The following ARFGAP3 variants were observed in gnomAD, a reference collection of about 807,000 sequenced individuals.
The protein encoded by ARFGAP3 is ARF GTPase activating protein 3.
A neutral mutation model predicts 75.0 loss-of-function variants in ARFGAP3; 72 were observed. That is an observed-to-expected ratio of 0.96 (90% CI 0.79 to 1.17). The LOEUF is 1.17. Among genes scored for constraint, ARFGAP3 ranks in the 50% most tolerant of loss-of-function variants. ARFGAP3 has a pLI of 0.00. For synonymous variants in ARFGAP3, 221 were observed against 217.9 expected, an observed-to-expected ratio of 1.01 and a Z score of -0.13; for missense variants, 620 against 626.6, an observed-to-expected ratio of 0.99 and a Z score of 0.11.
intron 7 of ARFGAP3, among the ~76,000 whole-genome samples, chr22:42,825,685 CA>C (rs538206434): frequency 0.026 from 1,697 of 64,394 alleles, 21 homozygotes; most frequent in African/African-American, 0.08. Flanking sequence ...ACTCTGTCTC[CA>C]AAAAAAAAAA....
At chr22:42,852,694 C>A (rs1023929283) in intron 1 of ARFGAP3, among the ~76,000 whole-genome samples, 1 of 152,100 alleles carries the variant, frequency 6.6e-6, no homozygotes, top group Non-Finnish European at 1.5e-5. Flanking sequence ...AAGGGCCCTG[C>A]ATTTTCATTT....
chr22:42,829,979 A>G (rs940876512), intron 6 of ARFGAP3, among the ~76,000 whole-genome samples: 2 of 152,200 alleles, frequency 1.3e-5, no homozygotes, highest in African/African-American at 4.8e-5. Flanking sequence ...AGGATATGCA[A>G]TGTTCTTATC....
intron 7 of ARFGAP3, 89 bp from the exon 8 acceptor site, chr22:42,823,791 T>A: frequency 7.9e-7 from 1 of 1,273,458 alleles, no homozygotes. Context: ...ATACTGCACT[T>A]TATTATTTAA....
intron 8 of ARFGAP3, among the ~76,000 whole-genome samples, chr22:42,823,279 C>G (rs1925892465): frequency 6.6e-6 from 1 of 152,084 alleles, no homozygotes. Flanking sequence ...AACCCTGCAC[C>G]TGCCTCCAGA....
chr22:42,849,847 C>A (rs1314430956), intron 1 of ARFGAP3, among the ~76,000 whole-genome samples: 1 of 152,112 alleles, frequency 6.6e-6, no homozygotes, highest in Non-Finnish European at 1.5e-5. Context: ...CAGGTGTGAG[C>A]CACCACGTCC....
At chr22:42,850,637 C>G (rs1157950491) in intron 1 of ARFGAP3, among the ~76,000 whole-genome samples, 1 of 149,174 alleles carries the variant, frequency 6.7e-6, no homozygotes, top group East Asian at 2.0e-4. Context: ...TGAAGGTTGT[C>G]CAACCTATCA....
intron 8 of ARFGAP3, 59 bp downstream of exon 8, chr22:42,823,597 G>C (rs913180799): frequency 1.9e-5 from 24 of 1,234,120 alleles, no homozygotes; most frequent in Non-Finnish European, 2.7e-5. Flanking sequence ...TGACGAAGCG[G>C]CTTTTTAGTT....
intron 4 of ARFGAP3, 81 bp from the exon 5 acceptor site, chr22:42,834,406 G>T: frequency 1.3e-6 from 2 of 1,555,384 alleles, no homozygotes; most frequent in South Asian, 1.2e-5. Context: ...ACTTCCCTTA[G>T]AGACCTGTTT....
In ARFGAP3 at chr22:42,835,417, T is replaced by C. The variant is rs752927577; in HGVS notation, c.338A>G (p.Tyr113Cys). 82 of 1,614,048 alleles carry C rather than the reference T, an allele frequency of 5.1e-5. No homozygotes were observed. Among genetic ancestry groups the C allele is most frequent in the Non-Finnish European group, 6.4e-5 (76 of 1,180,030 alleles). Residue 113 changes from tyrosine (Y) to cysteine (C), a missense_variant, in exon 4 of 16, where the codon TAT (tyrosine) becomes TGT (cysteine). Transcript: ENST00000263245. ...GGCGAGCGATTTGATTTTCTCCCTATAGAGCTGAGCAGCACGACTGTTGTA... is the reference window on the plus strand; with the variant it reads ...GGCGAGCGATTTGATTTTCTCCCTACAGAGCTGAGCAGCACGACTGTTGTA... ...AKYNSRAAQL[Y>C]REKIKSLASQ...
In ARFGAP3 at chr22:42,796,969, A is replaced by T. The variant is rs1277724983; in HGVS notation, c.*619T>A. The T allele has an allele frequency of 6.6e-6, 1 of 152,346 alleles. No individual in the cohort carries two copies. Among genetic ancestry groups the T allele is most frequent in the African/African-American group, 2.4e-5 (1 of 41,468 alleles). 9.4% of individuals were successfully genotyped at this position (152,346 alleles called of 1,614,324 possible). ...ACAAGATAACATTAATTCCCTTGGC[A>T]GGGCAGAAGCTTAAGTTTGTTAAAA... On this transcript the variant is annotated 3_prime_UTR_variant, in exon 16 of 16. Transcript: ENST00000263245.
Position 42,817,855 on chromosome 22 carries a change from A to C in ARFGAP3, c.815T>G (p.Val272Gly), listed in dbSNP as rs771667633. ...AKVVSKEESI[V>G]SSLRLAYKDL... Reference sequence around the variant, plus strand: ...CTTATAGGCTAATCGTAATGATGAAACACTGCCAGAAAAACCAAATACTCC... The same window carrying C: ...CTTATAGGCTAATCGTAATGATGAACCACTGCCAGAAAAACCAAATACTCC... Residue 272 changes from valine to glycine, a missense_variant and splice_region_variant, in exon 10 of 16, where the codon GTT becomes GGT. Coordinates refer to ENST00000263245, the MANE Select transcript of ARFGAP3 (RefSeq NM_014570.5). 2.2e-5 allele frequency: 35 copies of C among 1,600,776 alleles called. No homozygotes were observed. The highest frequency in any genetic ancestry group is 1.7e-4 in the Middle Eastern group (1 of 6,044).
intron 12 of ARFGAP3, 176 bp from the exon 13 acceptor site, chr22:42,809,066 AC>A: frequency 4.4e-6 from 2 of 453,312 alleles, no homozygotes; most frequent in Non-Finnish European, 5.8e-6. Flanking sequence ...CCCAAACGAT[AC>A]AAAATTTGAA....
chr22:42,821,372 C>T (rs1367132680), intron 9 of ARFGAP3, among the ~76,000 whole-genome samples: 1 of 152,216 alleles, frequency 6.6e-6, no homozygotes, highest in Non-Finnish European at 1.5e-5. Context: ...GGACCATTAG[C>T]AGCCACTCTC....
chr22:42,849,716 G>A (rs1241990226), intron 1 of ARFGAP3, among the ~76,000 whole-genome samples: 1 of 151,800 alleles, frequency 6.6e-6, no homozygotes, highest in Admixed American at 6.6e-5. Context: ...GTATGCCACC[G>A]TGCCCAGATT....
chr22:42,845,162 C>T (rs1926957630), intron 2 of ARFGAP3, among the ~76,000 whole-genome samples: 1 of 152,170 alleles, frequency 6.6e-6, no homozygotes, highest in Admixed American at 6.6e-5. Context: ...TAGGTATTGC[C>T]TTGAGTCTAG....
chr22:42,842,111 T>C (rs1190367335), intron 2 of ARFGAP3, among the ~76,000 whole-genome samples: 1 of 150,948 alleles, frequency 6.6e-6, no homozygotes, highest in Non-Finnish European at 1.5e-5. Context: ...TTCAAGTGAT[T>C]CTCCTGCCTC....
intron 4 of ARFGAP3, among the ~76,000 whole-genome samples, chr22:42,834,695 T>C (rs67192317): frequency 0.052 from 7,887 of 152,306 alleles, 609 homozygotes; most frequent in East Asian, 0.35. Flanking sequence ...TTAGTCCTCG[T>C]GGTGTTTTCA....
intron 2 of ARFGAP3, among the ~76,000 whole-genome samples, chr22:42,846,983 GT>G (rs1368317420): frequency 6.6e-6 from 1 of 152,140 alleles, no homozygotes; most frequent in Non-Finnish European, 1.5e-5. Context: ...GTTGGACTCT[GT>G]AGAGTCCAGA....
chr22:42,814,440 G>A (rs886174728), intron 11 of ARFGAP3, among the ~76,000 whole-genome samples: 2 of 152,276 alleles, frequency 1.3e-5, no homozygotes, highest in African/African-American at 2.4e-5. Context: ...ATACACCAAG[G>A]TCTCTCTGGA....
Sources: gnomAD v4.1 joint callset for allele counts (sites outside exome capture counted in the v4.1 genomes callset) on GRCh38, gnomAD v4.1.1 for gene constraint, MANE v1.5 for transcripts, NCBI Gene and HGNC (gene_info 2026-07-23, HGNC 2026-07-21) for gene names.